The following SPATA31H1 variants were observed in gnomAD, a reference collection of about 807,000 sequenced individuals.
SPATA31H1 encodes the protein SPATA31 subfamily H member 1.
the SPATA31H1 span, among the ~76,000 whole-genome samples, chr2:27,539,118 TTTTTTTTTA>T: frequency 2.2e-5 from 3 of 137,218 alleles, no homozygotes; most frequent in African/African-American, 9.8e-5. Context: ...TTTTTTTTTT[TTTTTTTTTA>T]ATTGATCATT....
chr2:27,555,305 G>T, the SPATA31H1 span, among the ~76,000 whole-genome samples: 62 of 151,976 alleles, frequency 4.1e-4, 1 homozygote, highest in African/African-American at 1.5e-3. Context: ...GGCATACTAT[G>T]AATAGTTTGC....
At chr2:27,578,309 AGTG>A in the SPATA31H1 span, 2 of 1,614,094 alleles carry the variant, frequency 1.2e-6, no homozygotes, top group African/African-American at 2.7e-5. Flanking sequence ...TTTTGGAAAC[AGTG>A]GAGTTGACAG....
At chr2:27,581,861 G>A in the SPATA31H1 span, 1 of 1,611,618 alleles carries the variant, frequency 6.2e-7, no homozygotes, top group Non-Finnish European at 8.5e-7. Context: ...GTCCCTCTGA[G>A]AGAAGCCATT....
At chr2:27,539,646 G>C in the SPATA31H1 span, among the ~76,000 whole-genome samples, 9 of 109,476 alleles carry the variant, frequency 8.2e-5, no homozygotes, top group South Asian at 1.3e-3. Flanking sequence ...CCTCCCAGAC[G>C]GGGCCGTGGC....
chr2:27,563,428 G>A, the SPATA31H1 span, among the ~76,000 whole-genome samples: 2 of 82,790 alleles, frequency 2.4e-5, no homozygotes, highest in African/African-American at 9.5e-5. Flanking sequence ...GGGTCTTACT[G>A]TATCACCCAG....
At chr2:27,539,992 C>T in the SPATA31H1 span, among the ~76,000 whole-genome samples, 85 of 114,380 alleles carry the variant, frequency 7.4e-4, no homozygotes, top group East Asian at 4.5e-3. Context: ...CCCTCCCGGA[C>T]TGGGCGGCTG....
the SPATA31H1 span, among the ~76,000 whole-genome samples, chr2:27,551,109 C>T: frequency 6.6e-6 from 1 of 151,714 alleles, no homozygotes; most frequent in Non-Finnish European, 1.5e-5. Flanking sequence ...AGGCTGGTCT[C>T]GAACTCCTGA....
chr2:27,577,147 C>A, the SPATA31H1 span: 1 of 1,613,962 alleles, frequency 6.2e-7, no homozygotes, highest in Non-Finnish European at 8.5e-7. The surrounding 1 kb of genome is among the most constrained non-coding windows in gnomAD (Gnocchi z 4.5). Context: ...GCTAAGGAAT[C>A]CTTAGGGATG....
At chr2:27,578,655 C>G in the SPATA31H1 span, 1 of 1,614,086 alleles carries the variant, frequency 6.2e-7, no homozygotes, top group South Asian at 1.1e-5. Flanking sequence ...AACAGAGCCT[C>G]CTAAAGTTAT....
the SPATA31H1 span, among the ~76,000 whole-genome samples, chr2:27,555,346 C>T: frequency 6.6e-6 from 1 of 151,802 alleles, no homozygotes; most frequent in Non-Finnish European, 1.5e-5. Context: ...CTCTATTTTG[C>T]CTTAAATTTT....
the SPATA31H1 span, chr2:27,582,187 C>T: frequency 6.2e-7 from 1 of 1,614,146 alleles, no homozygotes; most frequent in Non-Finnish European, 8.5e-7. Context: ...GGACACAGTT[C>T]CTCTGGGAAA....
the SPATA31H1 span, chr2:27,579,886 A>C: frequency 6.2e-7 from 1 of 1,614,196 alleles, no homozygotes. Context: ...ATACCCCCCG[A>C]TGTGCCTCCA....
the SPATA31H1 span, chr2:27,578,746 G>A: frequency 6.2e-7 from 1 of 1,614,050 alleles, no homozygotes; most frequent in South Asian, 1.1e-5. Flanking sequence ...TTACAAGTAG[G>A]GACTGACTTC....
the SPATA31H1 span, among the ~76,000 whole-genome samples, chr2:27,563,749 C>T: frequency 5.9e-5 from 9 of 151,948 alleles, no homozygotes; most frequent in East Asian, 1.9e-4. Flanking sequence ...TTAGTAGAGA[C>T]GGTGTTTCAC....
chr2:27,539,107 T>TC, the SPATA31H1 span, among the ~76,000 whole-genome samples: 4 of 67,442 alleles, frequency 5.9e-5, no homozygotes, highest in Non-Finnish European at 9.1e-5. Flanking sequence ...TTTTCTTTTT[T>TC]TTTTTTTTTT....
chr2:27,582,606 C>T, the SPATA31H1 span: 2 of 1,407,420 alleles, frequency 1.4e-6, no homozygotes, highest in African/African-American at 1.4e-5. Context: ...TGCTCAGCCA[C>T]TGCCTCCAAT....
the SPATA31H1 span, among the ~76,000 whole-genome samples, chr2:27,547,760 A>G: frequency 7.2e-5 from 11 of 151,958 alleles, no homozygotes; most frequent in East Asian, 1.5e-3. Flanking sequence ...TTTCATTTTT[A>G]TTAAGAAAAT....
chr2:27,578,423 A>T, the SPATA31H1 span: 1 of 1,614,152 alleles, frequency 6.2e-7, no homozygotes, highest in Non-Finnish European at 8.5e-7. Context: ...TTGTAGAACC[A>T]ATAGGAGTAG....
the SPATA31H1 span, among the ~76,000 whole-genome samples, chr2:27,548,014 CT>C: frequency 2.5e-5 from 3 of 121,000 alleles, no homozygotes; most frequent in African/African-American, 9.4e-5. Flanking sequence ...TAGAGTCTTG[CT>C]CTGTCACCCA....
Sources: gnomAD v4.1 joint callset for allele counts (sites outside exome capture counted in the v4.1 genomes callset) on GRCh38, gnomAD v4.1.1 for gene constraint, Gnocchi (gnomAD v3.1) non-coding constraint, MANE v1.5 for transcripts, NCBI Gene and HGNC (gene_info 2026-07-23, HGNC 2026-07-21) for gene names.